Variants in DCC observed in about 807,000 individuals in gnomAD.
DCC encodes netrin receptor DCC.
In DCC, 58 loss-of-function variants were observed where a neutral mutation model predicts 172.5. That is an observed-to-expected ratio of 0.34 (90% confidence interval 0.27 to 0.42). DCC has a LOEUF of 0.42. Among genes scored for constraint, DCC ranks in the 10% least tolerant of loss-of-function variants. The probability of loss-of-function intolerance (pLI) is 1.00; values close to 1 mark genes in which losing one functional copy is unlikely to be tolerated. For missense variants in DCC, 1,740 were observed against 1,791.0 expected (o/e 0.97, Z 0.51); for synonymous variants, 709 against 644.5 (o/e 1.10, Z -1.52).
At chr18:52,754,534 A>G (rs1404181308) in intron 2 of DCC, among the ~76,000 whole-genome samples, 1 of 152,180 alleles carries the variant, frequency 6.6e-6, no homozygotes, top group Non-Finnish European at 1.5e-5. Flanking sequence ...GTAATCTGCA[A>G]CCCAGAAGAG....
intron 5 of DCC, among the ~76,000 whole-genome samples, chr18:53,022,946 AG>A (rs2041901915): frequency 6.6e-6 from 1 of 152,130 alleles, no homozygotes; most frequent in African/African-American, 2.4e-5. Context: ...TCCCCTTGAA[AG>A]TTTGAAGTAG....
chr18:52,777,680 G>A (rs1434717124), intron 2 of DCC, among the ~76,000 whole-genome samples: 3 of 151,850 alleles, frequency 2.0e-5, no homozygotes, highest in Non-Finnish European at 4.4e-5. Flanking sequence ...AATAATAAAG[G>A]AACATTCCAG....
At chr18:53,357,996 A>G (rs1194133941) in intron 15 of DCC, among the ~76,000 whole-genome samples, 1 of 152,162 alleles carries the variant, frequency 6.6e-6, no homozygotes, top group East Asian at 1.9e-4. Context: ...TTATTCCTAG[A>G]GTTTTAATGT....
chr18:53,078,192 G>A (rs1303776766), intron 7 of DCC, among the ~76,000 whole-genome samples: 1 of 152,112 alleles, frequency 6.6e-6, no homozygotes, highest in African/African-American at 2.4e-5. Flanking sequence ...TTGGGAGATT[G>A]AGATGGGAGG....
intron 7 of DCC, among the ~76,000 whole-genome samples, chr18:53,086,274 C>T (rs1266088058): frequency 2.9e-5 from 1 of 33,902 alleles, no homozygotes; most frequent in African/African-American, 3.8e-4. Context: ...TCTTCTTCTT[C>T]CTTTCTTCTT....
chr18:52,773,522 T>TTATG (rs148194556), intron 2 of DCC, among the ~76,000 whole-genome samples: 31 of 151,490 alleles, frequency 2.0e-4, no homozygotes, highest in African/African-American at 7.3e-4. Context: ...ATCTATCTAT[T>TTATG]TATCTATCTA....
Position 53,157,459 on chromosome 18 carries a change from G to T in DCC, c.1365G>T (p.Ala455=), listed in dbSNP as rs769016281. Residue 455 remains alanine (A), a synonymous_variant, in exon 8 of 29, where the codon GCG becomes GCT. Coordinates refer to ENST00000442544, the MANE Select transcript of DCC (RefSeq NM_005215.4). ...VRLSWRPPAE[A]KGNIQTFTVF... The stretch of plus-strand genomic sequence containing the variant: ...TCAGCTGGCGCCCACCTGCAGAAGC[G>T]AAAGGGAACATTCAAACTTTCACGG... The T allele has an allele frequency of 4.3e-6, 7 of 1,614,002 alleles. No homozygotes were observed. In the African/African-American group the frequency reaches 5.3e-5, roughly 12 times the overall value.
At position 53,491,436 on chromosome 18, in the gene DCC, C is replaced by T. The variant is rs149639567; in HGVS notation, c.3898+4478C>T. ...TACAGGTTTGTTACATAGATATACA[C>T]GTGCCATGGTGGTTTGCTGCACCCA... On this transcript the variant is annotated intron_variant, in intron 26 of 28. Coordinates refer to ENST00000442544, the MANE Select transcript of DCC (RefSeq NM_005215.4). Among the ~76,000 whole-genome samples the T allele has an allele frequency of 3.5e-3, 525 of 152,128 alleles. 2 individuals carry two copies. Among genetic ancestry groups the T allele is most frequent in the African/African-American group, 0.012 (505 of 41,528 alleles).
intron 5 of DCC, among the ~76,000 whole-genome samples, chr18:52,942,770 A>G (rs1297614356): frequency 6.6e-6 from 1 of 152,188 alleles, no homozygotes; most frequent in Non-Finnish European, 1.5e-5. Context: ...ACAATTCAAC[A>G]TGAGATTTGG....
At chr18:52,542,959 G>A (rs116395450) in intron 1 of DCC, among the ~76,000 whole-genome samples, 3 of 152,170 alleles carry the variant, frequency 2.0e-5, no homozygotes, top group African/African-American at 2.4e-5. Flanking sequence ...TTGAATATTC[G>A]AAGCTGGGCT....
chr18:52,567,337 A>T (rs541131737), intron 1 of DCC, among the ~76,000 whole-genome samples: 50 of 152,252 alleles, frequency 3.3e-4, no homozygotes, highest in African/African-American at 1.2e-3. Flanking sequence ...CATCATCTTT[A>T]GCCATTATTA....
chr18:52,578,930 G>A (rs1598928050), intron 1 of DCC, among the ~76,000 whole-genome samples: 1 of 152,100 alleles, frequency 6.6e-6, no homozygotes, highest in Admixed American at 6.5e-5. Flanking sequence ...GCAGTGAGCC[G>A]AGATCACGCC....
At chr18:53,106,348 T>G (rs2043247358) in intron 7 of DCC, among the ~76,000 whole-genome samples, 1 of 151,942 alleles carries the variant, frequency 6.6e-6, no homozygotes, top group Non-Finnish European at 1.5e-5. Context: ...GGGACTCATT[T>G]GCTTACTTGC....
intron 5 of DCC, chr18:52,931,985 G>A (rs1000375571): frequency 6.6e-6 from 1 of 152,046 alleles, no homozygotes. Context: ...TGTAAACAGG[G>A]ACTCTGGGAA....
chr18:53,221,189 T>G (rs1009325631), intron 12 of DCC, among the ~76,000 whole-genome samples: 3 of 152,112 alleles, frequency 2.0e-5, no homozygotes, highest in African/African-American at 7.2e-5. Context: ...AAATACAAAT[T>G]TAAGCATTTG....
intron 1 of DCC, among the ~76,000 whole-genome samples, chr18:52,485,931 C>A (rs532486874): frequency 1.6e-4 from 24 of 152,002 alleles, no homozygotes; most frequent in African/African-American, 5.8e-4. Flanking sequence ...ATAAAAAAAG[C>A]ATGCAGAAAA....
intron 2 of DCC, among the ~76,000 whole-genome samples, chr18:52,776,175 T>A (rs2145175543): frequency 6.6e-6 from 1 of 152,114 alleles, no homozygotes; most frequent in Non-Finnish European, 1.5e-5. Flanking sequence ...AGTAGAAAAA[T>A]AAAATAATCC....
intron 5 of DCC, among the ~76,000 whole-genome samples, chr18:53,020,835 GA>G (rs981950531): frequency 6.6e-6 from 1 of 152,142 alleles, no homozygotes; most frequent in African/African-American, 2.4e-5. Flanking sequence ...AAATGAGGGG[GA>G]AAAATTTAGG....
intron 1 of DCC, among the ~76,000 whole-genome samples, chr18:52,391,996 C>T (rs575125438): frequency 2.0e-5 from 3 of 152,140 alleles, no homozygotes; most frequent in Admixed American, 6.5e-5. Flanking sequence ...GTCAACTATT[C>T]GAGTCCACAA....
Sources: allele counts gnomAD v4.1 joint callset (sites outside exome capture counted in the v4.1 genomes callset), GRCh38; gene constraint gnomAD v4.1.1; transcripts MANE v1.5; gene names NCBI Gene and HGNC (gene_info 2026-07-23, HGNC 2026-07-21).